The following CTNNA3 variants were observed in gnomAD, a reference collection of about 807,000 sequenced individuals.
CTNNA3 encodes catenin alpha-3.
CTNNA3 carries 76 observed loss-of-function variants against 95.7 expected under a neutral mutation model. The ratio of observed to expected loss-of-function variants is 0.79; its 90% CI spans 0.66 to 0.96. CTNNA3 has a LOEUF of 0.96. Ranked by LOEUF, CTNNA3 falls within the 40% of genes least tolerant of loss-of-function variation. CTNNA3 has a pLI of 0.00. For missense variants in CTNNA3, 1,191 were observed against 1,089.8 expected (o/e 1.09, Z -1.31); for synonymous variants, 431 against 374.4 (o/e 1.15, Z -1.74).
chr10:66,858,511 C>A (rs6480226), intron 7 of CTNNA3, among the ~76,000 whole-genome samples: 88,665 of 151,708 alleles, frequency 0.58, 26,978 homozygotes, highest in African/African-American at 0.64. Context: ...GGTACAATTC[C>A]GCTGTGAATT....
At chr10:66,157,703 T>A (rs1202472031) in intron 13 of CTNNA3, among the ~76,000 whole-genome samples, 1 of 152,070 alleles carries the variant, frequency 6.6e-6, no homozygotes, top group African/African-American at 2.4e-5. Flanking sequence ...GATTACTAGA[T>A]CAAATGGAAG....
At chr10:66,364,004 A>G (rs1032908765) in intron 12 of CTNNA3, among the ~76,000 whole-genome samples, 1 of 152,150 alleles carries the variant, frequency 6.6e-6, no homozygotes, top group African/African-American at 2.4e-5. Flanking sequence ...TAATTTGCCT[A>G]AGATCACTTA....
intron 5 of CTNNA3, among the ~76,000 whole-genome samples, chr10:67,504,602 G>A (rs1839375803): frequency 6.6e-6 from 1 of 152,078 alleles, no homozygotes; most frequent in Non-Finnish European, 1.5e-5. Context: ...TTACTCATGA[G>A]CACCAACCAC....
chr10:66,645,861 TC>T (rs1370064483), intron 9 of CTNNA3, among the ~76,000 whole-genome samples: 1 of 152,178 alleles, frequency 6.6e-6, no homozygotes, highest in Non-Finnish European at 1.5e-5. Context: ...ATGAAACTGG[TC>T]CCTGGTCCCA....
chr10:66,127,126 G>A (rs1270089601), intron 13 of CTNNA3, among the ~76,000 whole-genome samples: 1 of 151,962 alleles, frequency 6.6e-6, no homozygotes, highest in Non-Finnish European at 1.5e-5. Flanking sequence ...AAAAAAATTA[G>A]CCAGGCTTGG....
chr10:67,702,722 A>G (rs1364527135), intron 1 of CTNNA3, among the ~76,000 whole-genome samples: 1 of 152,150 alleles, frequency 6.6e-6, no homozygotes, highest in Non-Finnish European at 1.5e-5. Context: ...AAGAACTAGA[A>G]AAGCAAGACC....
intron 17 of CTNNA3, among the ~76,000 whole-genome samples, chr10:65,955,202 G>A (rs1029545923): frequency 5.3e-5 from 8 of 152,144 alleles, no homozygotes; most frequent in East Asian, 1.9e-4. Flanking sequence ...TGTTATTGGC[G>A]TATAGGAATG....
rs143716614 is a variant in CTNNA3, at chr10:67,495,225, G to C, written c.579+26617C>G. ...AAAATTACAATGTTTCCTGACTGAG[G>C]CCTGCTTCCCCTGCTCTCCTCCATG... On this transcript the variant is annotated intron_variant, in intron 5 of 17. Coordinates refer to ENST00000433211, the MANE Select transcript of CTNNA3 (RefSeq NM_013266.4). Among the ~76,000 whole-genome samples, 331 of 152,114 alleles carry C rather than the reference G, an allele frequency of 2.2e-3. 2 individuals carry two copies. Among genetic ancestry groups the C allele is most frequent in the African/African-American group, 7.6e-3 (316 of 41,496 alleles).
rs1469024966 is a variant in CTNNA3 at position 65,915,875 on chromosome 10, A to AG, written c.*4454dup. The AG allele has an allele frequency of 2.0e-5, 3 of 152,186 alleles. No individual in the cohort carries two copies. The highest frequency in any genetic ancestry group is 4.4e-5 in the Non-Finnish European group (3 of 68,020). 9.4% of individuals were successfully genotyped at this position (152,186 alleles called of 1,614,324 possible). On this transcript the variant is annotated 3_prime_UTR_variant, in exon 18 of 18. Coordinates refer to ENST00000433211, the MANE Select transcript of CTNNA3 (RefSeq NM_013266.4). Reference sequence around the variant, plus strand: ...TATGAATTGGTTAAAAATGCCAAAAAGGTATTTAAAATTTTACTTCTTCTC... The same window carrying AG: ...TATGAATTGGTTAAAAATGCCAAAAAGGGTATTTAAAATTTTACTTCTTCTC...
chr10:67,566,970 A>G, intron 3 of CTNNA3, among the ~76,000 whole-genome samples: 1 of 139,760 alleles, frequency 7.2e-6, no homozygotes, highest in East Asian at 2.2e-4. Flanking sequence ...GAACTGAACA[A>G]TGAGAACACA....
intron 5 of CTNNA3, among the ~76,000 whole-genome samples, chr10:67,516,179 G>A (rs990293469): frequency 7.9e-5 from 12 of 152,024 alleles, no homozygotes; most frequent in African/African-American, 2.9e-4. Context: ...GGTCAGGTTG[G>A]TCTTTATTTT....
chr10:66,432,937 T>C (rs1463799306), intron 11 of CTNNA3, among the ~76,000 whole-genome samples: 1 of 152,166 alleles, frequency 6.6e-6, no homozygotes, highest in African/African-American at 2.4e-5. Context: ...CTGAGAATGA[T>C]GGTTTCCAGC....
intron 15 of CTNNA3, among the ~76,000 whole-genome samples, chr10:65,996,039 C>A (rs530957566): frequency 6.6e-6 from 1 of 152,168 alleles, no homozygotes; most frequent in South Asian, 2.1e-4. Flanking sequence ...CAGGGAGAAT[C>A]CATCCTCAAG....
intron 15 of CTNNA3, among the ~76,000 whole-genome samples, chr10:65,995,064 A>ATT (rs140497719): frequency 6.0e-5 from 9 of 149,584 alleles, no homozygotes; most frequent in African/African-American, 2.2e-4. Flanking sequence ...GTCTTTTCTG[A>ATT]TTTTTTTTTG....
chr10:66,028,654 TTGA>T, intron 15 of CTNNA3, among the ~76,000 whole-genome samples: 1 of 151,572 alleles, frequency 6.6e-6, no homozygotes, highest in East Asian at 1.9e-4. Flanking sequence ...AAATGATGAG[TTGA>T]TGGGTGCAGC....
At chr10:66,916,305 G>A (rs1846493053) in intron 7 of CTNNA3, among the ~76,000 whole-genome samples, 2 of 151,964 alleles carry the variant, frequency 1.3e-5, no homozygotes, top group South Asian at 4.2e-4. Flanking sequence ...TGGGAAGCAG[G>A]GAGAGTAAAT....
At chr10:66,157,208 G>A (rs759237999) in intron 13 of CTNNA3, among the ~76,000 whole-genome samples, 1 of 151,630 alleles carries the variant, frequency 6.6e-6, no homozygotes. Context: ...ACTACTCCTC[G>A]CAAGTCCCCA....
chr10:66,918,750 T>C (rs920622347), intron 7 of CTNNA3, among the ~76,000 whole-genome samples: 2 of 152,196 alleles, frequency 1.3e-5, no homozygotes, highest in Non-Finnish European at 2.9e-5. Flanking sequence ...GGTATAATAA[T>C]GCTAGATGGT....
At position 66,949,615 on chromosome 10, in the gene CTNNA3, T is replaced by C. The variant is rs552164559; in HGVS notation, c.1048-174091A>G. 2.6e-4 allele frequency among the ~76,000 whole-genome samples: 40 copies of C among 151,788 alleles called. 1 individual carries two copies. In the East Asian group the frequency reaches 7.5e-3, roughly 29 times the overall value. On this transcript the variant is annotated intron_variant, in intron 7 of 17. Coordinates refer to ENST00000433211, the MANE Select transcript of CTNNA3 (RefSeq NM_013266.4). ...AATATGAAAATTAGGACCTGTTAGG[T>C]TGAAAACATCCAGTCTGCAGTGAGT...
Sources: allele counts gnomAD v4.1 joint callset (sites outside exome capture counted in the v4.1 genomes callset), GRCh38; gene constraint gnomAD v4.1.1; transcripts MANE v1.5; gene names NCBI Gene and HGNC (gene_info 2026-07-23, HGNC 2026-07-21).